KLHL36: variants seen among roughly 807,000 people sequenced by gnomAD.
KLHL36 encodes the protein kelch-like protein 36.
KLHL36 carries 35 observed loss-of-function variants against 53.3 expected under a neutral mutation model. The ratio of observed to expected loss-of-function variants is 0.66; its 90% CI spans 0.50 to 0.87. The LOEUF is 0.87. Among genes scored for constraint, KLHL36 ranks in the 40% least tolerant of loss-of-function variants. The pLI is 0.00. For missense variants in KLHL36, 864 were observed against 897.6 expected, an observed-to-expected ratio of 0.96 and a Z score of 0.48; for synonymous variants, 472 against 398.9, an observed-to-expected ratio of 1.18 and a Z score of -2.18.
Position 84,662,270 on chromosome 16 carries a change from A to T in KLHL36, c.*137A>T, listed in dbSNP as rs779193957. On this transcript the variant is annotated 3_prime_UTR_variant, in exon 5 of 5. Transcript: ENST00000564996. ...TACTTTTATGATTCTTGGTATTTCT[A>T]TGATATCACAGTAACCAATTAAATA... The T allele has an allele frequency of 1.3e-6, 1 of 773,814 alleles. No individual in the cohort carries two copies. Among genetic ancestry groups the T allele is most frequent in the Non-Finnish European group, 2.0e-6 (1 of 498,482 alleles). 47.9% of individuals were successfully genotyped at this position (773,814 alleles called of 1,614,324 possible).
intron 4 of KLHL36, among the ~76,000 whole-genome samples, chr16:84,660,588 G>A (rs1400223047): frequency 6.6e-6 from 1 of 152,156 alleles, no homozygotes; most frequent in Non-Finnish European, 1.5e-5. Flanking sequence ...ACATCCAGGT[G>A]TCCGTAAGAG....
chr16:84,655,595 T>C (rs1907153180), intron 2 of KLHL36, among the ~76,000 whole-genome samples: 1 of 150,994 alleles, frequency 6.6e-6, no homozygotes, highest in Non-Finnish European at 1.5e-5. Context: ...TCCCAGCTAC[T>C]CAGGAGGCTG....
Position 84,666,513 on chromosome 16 carries a change from A to T in KLHL36, c.*4380A>T, listed in dbSNP as rs1907843246. ...GCTCCTACCTCAGTGGTGTGCACAG[A>T]GTTGGAGACACCTGAGGGCTGGTCC... On this transcript the variant is annotated 3_prime_UTR_variant, in exon 5 of 5. Coordinates refer to ENST00000564996, the MANE Select transcript of KLHL36 (RefSeq NM_024731.4). 6.6e-6 allele frequency: 1 copy of T among 152,178 alleles called. No homozygotes were observed. The highest frequency in any genetic ancestry group is 1.5e-5 in the Non-Finnish European group (1 of 68,042). The allele number at this position is 152,178 out of a possible 1,614,324, so 9.4% of individuals were successfully genotyped here.
At position 84,657,260 on chromosome 16, in the gene KLHL36, G is replaced by A; in HGVS notation, c.453G>A (p.Leu151=). ...QEVSEDNYLY[L]QELASIYSLK... ...TGAGCGAGGACAACTACCTGTACCTGCAGGAGCTGGCCTCCATCTACAGCC... is the reference window on the plus strand; with the variant it reads ...TGAGCGAGGACAACTACCTGTACCTACAGGAGCTGGCCTCCATCTACAGCC... Residue 151 remains leucine (L), a synonymous_variant, in exon 3 of 5, where the codon CTG becomes CTA. Coordinates refer to ENST00000564996, the MANE Select transcript of KLHL36 (RefSeq NM_024731.4). 1 of 1,614,158 alleles carries A rather than the reference G, an allele frequency of 6.2e-7. No individual in the cohort carries two copies. Among genetic ancestry groups the A allele is most frequent in the Non-Finnish European group, 8.5e-7 (1 of 1,180,032 alleles).
rs1165086579 is a variant in KLHL36 at position 84,665,171 on chromosome 16, G to A, written c.*3038G>A. On this transcript the variant is annotated 3_prime_UTR_variant, in exon 5 of 5. Coordinates refer to ENST00000564996, the MANE Select transcript of KLHL36 (RefSeq NM_024731.4). ...GCTTGCAGGCTGCCATTTTGAGAGGGAAACAGCCACACATGTCATCATGTT... is the reference window on the plus strand; with the variant it reads ...GCTTGCAGGCTGCCATTTTGAGAGGAAAACAGCCACACATGTCATCATGTT... The A allele has an allele frequency of 6.6e-6, 1 of 152,148 alleles. No individual in the cohort carries two copies. Among genetic ancestry groups the A allele is most frequent in the Non-Finnish European group, 1.5e-5 (1 of 68,038 alleles). The allele number at this position is 152,148 out of a possible 1,614,324, so 9.4% of individuals were successfully genotyped here.
Position 84,657,387 on chromosome 16 carries a change from T to A in KLHL36, c.580T>A (p.Cys194Ser). Residue 194 changes from cysteine (C) to serine (S), a missense_variant, in exon 3 of 5, where the codon TGT becomes AGT. By Grantham distance (112) the Cys-to-Ser change is moderately radical. Coordinates refer to ENST00000564996, the MANE Select transcript of KLHL36 (RefSeq NM_024731.4). ...FLQNVSMQKL[C>S]VYLSSSEVQR... ...GCAGAACGTCTCCATGCAGAAGCTG[T>A]GTGTCTACCTGAGCAGCAGCGAGGT... 1 of 1,609,324 alleles carries A rather than the reference T, an allele frequency of 6.2e-7. No individual in the cohort carries two copies. The highest frequency in any genetic ancestry group is 8.5e-7 in the Non-Finnish European group (1 of 1,179,994).
Position 84,656,883 on chromosome 16 carries a change from G to A in KLHL36, c.76G>A (p.Ala26Thr), listed in dbSNP as rs1380754254. The A allele has an allele frequency of 6.2e-7, 1 of 1,607,962 alleles. No homozygotes were observed. Among genetic ancestry groups the A allele is most frequent in the Non-Finnish European group, 8.5e-7 (1 of 1,176,944 alleles). ...ISESSKVYRW[A>T]DHSSTVLQRL... The stretch of plus-strand genomic sequence containing the variant: ...CTTCTCTGTCCAGGTATACCGCTGG[G>A]CCGACCACTCAAGCACGGTGCTGCA... Residue 26 changes from alanine (A) to threonine (T), a missense_variant, in exon 3 of 5, where the codon GCC becomes ACC. Transcript: ENST00000564996.
At chr16:84,650,085 A>G (rs58001385) in intron 1 of KLHL36, among the ~76,000 whole-genome samples, 8,953 of 151,928 alleles carry the variant, frequency 0.059, 295 homozygotes, top group Middle Eastern at 0.12. Flanking sequence ...TGGAATCCCA[A>G]TTCTGCCAGT....
At chr16:84,658,399 A>C (rs28576011) in intron 3 of KLHL36, 4,333 of 153,186 alleles carry the variant, frequency 0.028, 221 homozygotes, top group African/African-American at 0.099. Context: ...TCCATGGTTC[A>C]ACATCCCCAG....
In KLHL36 at chr16:84,666,568, C is replaced by G. The variant is rs1907845669; in HGVS notation, c.*4435C>G. 6.6e-6 allele frequency: 1 copy of G among 152,184 alleles called. No individual in the cohort carries two copies. The highest frequency in any genetic ancestry group is 1.5e-5 in the Non-Finnish European group (1 of 68,044). 9.4% of individuals were successfully genotyped at this position (152,184 alleles called of 1,614,324 possible). ...CTCACCTTTGCCATACGGGTCATTT[C>G]TTGATCAAATATATGACTGGGGTCC... On this transcript the variant is annotated 3_prime_UTR_variant, in exon 5 of 5. Transcript: ENST00000564996.
At position 84,657,774 on chromosome 16, in the gene KLHL36, G is replaced by A. The variant is rs1597219947; in HGVS notation, c.967G>A (p.Glu323Lys). Residue 323 changes from glutamate to lysine, a missense_variant, in exon 3 of 5, where the codon GAG becomes AAG. By Grantham distance (56) the Glu-to-Lys change is moderately conservative. Coordinates refer to ENST00000564996, the MANE Select transcript of KLHL36 (RefSeq NM_024731.4). ...CACCTGCTACCTGGACGCCAAGAGC[G>A]AGCAGTGGGTCAAAGAGACGCCGCT... ...DDTCYLDAKS[E>K]QWVKETPLPA... 4.3e-6 allele frequency: 7 copies of A among 1,610,846 alleles called. No homozygotes were observed. Among genetic ancestry groups the A allele is most frequent in the East Asian group, 2.2e-5 (1 of 44,774 alleles).
rs562632816 is a variant in KLHL36 at position 84,662,926 on chromosome 16, A to T, written c.*793A>T. On this transcript the variant is annotated 3_prime_UTR_variant, in exon 5 of 5. Coordinates refer to ENST00000564996, the MANE Select transcript of KLHL36 (RefSeq NM_024731.4). The stretch of plus-strand genomic sequence containing the variant: ...AAAAGGTATGAAGCTCTTTATACAT[A>T]TTTTTTTGTAATTTGTGCATTTTTT... The T allele has an allele frequency of 4.7e-4, 71 of 150,310 alleles. No homozygotes were observed. Among genetic ancestry groups the T allele is most frequent in the African/African-American group, 1.6e-3 (65 of 40,744 alleles). The allele number at this position is 150,310 out of a possible 1,614,324, so 9.3% of individuals were successfully genotyped here.
Position 84,664,614 on chromosome 16 carries a change from A to AGGG in KLHL36, c.*2482_*2484dup, listed in dbSNP as rs1387369621. The AGGG allele has an allele frequency of 6.6e-6, 1 of 152,180 alleles. No homozygotes were observed. The highest frequency in any genetic ancestry group is 1.5e-5 in the Non-Finnish European group (1 of 68,028). The allele number at this position is 152,180 out of a possible 1,614,324, so 9.4% of individuals were successfully genotyped here. ...ACTAAGGTTGGGACCACCCTTTTAA[A>AGGG]GGGAGGATAAACAAGTTTCATCTTG... On this transcript the variant is annotated 3_prime_UTR_variant, in exon 5 of 5. Transcript: ENST00000564996.
At chr16:84,650,105 TGTGAC>T (rs1287403993) in intron 1 of KLHL36, among the ~76,000 whole-genome samples, 1 of 152,102 alleles carries the variant, frequency 6.6e-6, no homozygotes, top group African/African-American at 2.4e-5. Flanking sequence ...TTCCCAGCTG[TGTGAC>T]GCCGGGCAGC....
At chr16:84,655,715 A>AC (rs1907163820) in intron 2 of KLHL36, among the ~76,000 whole-genome samples, 1 of 151,652 alleles carries the variant, frequency 6.6e-6, no homozygotes, top group East Asian at 1.9e-4. Flanking sequence ...AAAAAAAAAA[A>AC]AAAAAAGTCG....
chr16:84,650,970 A>G, intron 2 of KLHL36, 40 bp downstream of exon 2: 2 of 1,505,414 alleles, frequency 1.3e-6, no homozygotes, highest in Non-Finnish European at 1.8e-6. Context: ...AAATTGCCTA[A>G]GAAGTGTGAT....
At chr16:84,658,381 A>G (rs1037716823) in intron 3 of KLHL36, 17 of 154,042 alleles carry the variant, frequency 1.1e-4, no homozygotes, top group African/African-American at 3.4e-4. Flanking sequence ...ATGGGTCTAG[A>G]TGTTTGATCC....
In KLHL36 at chr16:84,657,284, C is replaced by A. The variant is rs776502347; in HGVS notation, c.477C>A (p.Ser159Arg). 1.9e-6 allele frequency: 3 copies of A among 1,613,942 alleles called. No homozygotes were observed. The highest frequency in any genetic ancestry group is 2.5e-6 in the Non-Finnish European group (3 of 1,180,038). ...LYLQELASIY[S>R]LKRLDAFIDG... ...TGCAGGAGCTGGCCTCCATCTACAG[C>A]CTCAAGCGGCTTGATGCCTTCATCG... The change falls in exon 3 of 5, where the codon AGC (serine) becomes AGA (arginine). Residue 159 changes from serine (S) to arginine (R), a missense_variant. Transcript: ENST00000564996.
chr16:84,653,710 C>T (rs1294756653), intron 2 of KLHL36, among the ~76,000 whole-genome samples: 1 of 151,998 alleles, frequency 6.6e-6, no homozygotes, highest in Non-Finnish European at 1.5e-5. Context: ...CATGGTGGTA[C>T]ATGCCGGTAG....
Sources: allele counts gnomAD v4.1 joint callset (sites outside exome capture counted in the v4.1 genomes callset), GRCh38; gene constraint gnomAD v4.1.1; transcripts MANE v1.5; gene names NCBI Gene and HGNC (gene_info 2026-07-23, HGNC 2026-07-21).